USP24: variants seen among roughly 807,000 people sequenced by gnomAD.
The protein encoded by USP24 is ubiquitin specific peptidase 24, also known as ubiquitin carboxyl-terminal hydrolase 24.
In USP24, 97 loss-of-function variants were observed where a neutral mutation model predicts 361.6. That is an observed-to-expected ratio of 0.27 (90% CI 0.23 to 0.32). The LOEUF is 0.32. Ranked by LOEUF, USP24 falls within the 10% of genes least tolerant of loss-of-function variation. The pLI is 1.00. For synonymous variants in USP24, 1,098 were observed against 1,124.6 expected (o/e 0.98, Z 0.47); for missense variants, 2,353 against 3,165.6 (o/e 0.74, Z 6.16).
chr1:55,154,560 A>C, intron 13 of USP24, 94 bp from the exon 14 acceptor site: 3 of 1,474,430 alleles, frequency 2.0e-6, no homozygotes, highest in Middle Eastern at 1.7e-4. Flanking sequence ...TAACAACGTA[A>C]GAAAAGTACA....
chr1:55,213,743 CT>C (rs987174931), intron 1 of USP24, among the ~76,000 whole-genome samples: 1 of 152,106 alleles, frequency 6.6e-6, no homozygotes, highest in Admixed American at 6.5e-5. Flanking sequence ...TCTGGTCGAT[CT>C]TTTTTCTTTA....
At chr1:55,115,404 G>A (rs1570442811) in intron 38 of USP24, among the ~76,000 whole-genome samples, 1 of 142,280 alleles carries the variant, frequency 7.0e-6, no homozygotes, top group African/African-American at 2.5e-5. Flanking sequence ...GCTGAGGCAG[G>A]AGAATGGCAT....
At chr1:55,213,175 G>T (rs989122737) in intron 1 of USP24, among the ~76,000 whole-genome samples, 2 of 152,208 alleles carry the variant, frequency 1.3e-5, no homozygotes, top group Non-Finnish European at 2.9e-5. Context: ...TCAAAAACTA[G>T]AAGGAACGAG....
intron 28 of USP24, among the ~76,000 whole-genome samples, chr1:55,134,970 A>G (rs766803372): frequency 3.9e-5 from 6 of 152,184 alleles, no homozygotes; most frequent in Non-Finnish European, 8.8e-5. Context: ...GGAATAAGAA[A>G]TCGGACATCA....
At chr1:55,093,903 T>C (rs1645436679) in intron 52 of USP24, 34 bp downstream of exon 52, 6 of 1,612,168 alleles carry the variant, frequency 3.7e-6, no homozygotes, top group Middle Eastern at 1.6e-4. Flanking sequence ...TCCACGTGGA[T>C]ATTCCCCCTT....
chr1:55,096,590 T>C lies in USP24; in HGVS notation c.5969A>G (p.Asn1990Ser), dbSNP rs1176900681. The change falls in exon 50 of 68, where the codon AAT becomes AGT. Residue 1990 changes from asparagine to serine, a missense_variant. Coordinates refer to ENST00000294383, the MANE Select transcript of USP24 (RefSeq NM_015306.3). ...GCGKGKWYKF[N>S]DTVIEEFDLN... is the part of the protein sequence containing the mutation. ...GTCAAATTCTTCTATAACTGTGTCA[T>C]TAAATTTATACCACTTTCCTTTTCC... 5 of 1,612,966 alleles carry C rather than the reference T, an allele frequency of 3.1e-6. No homozygotes were observed. The South Asian group carries it at 4.4e-5, about 14-fold the overall frequency.
At chr1:55,147,992 A>C (rs17111676) in intron 17 of USP24, among the ~76,000 whole-genome samples, 194 bp from the exon 18 acceptor site, 4,425 of 152,232 alleles carry the variant, frequency 0.029, 154 homozygotes, top group African/African-American at 0.082. Context: ...TTAATAAACT[A>C]CTAATGTTTT....
chr1:55,078,743 T>A (rs1455354522), intron 60 of USP24, 92 bp from the exon 61 acceptor site: 1 of 944,052 alleles, frequency 1.1e-6, no homozygotes, highest in African/African-American at 1.7e-5. Flanking sequence ...CTACCCAGAT[T>A]TTAAGATAAT....
At chr1:55,171,001 T>C (rs548475506) in intron 5 of USP24, among the ~76,000 whole-genome samples, 1 of 152,300 alleles carries the variant, frequency 6.6e-6, no homozygotes, top group East Asian at 1.9e-4. Context: ...TTGATTAAAC[T>C]CAACTTCTTT....
At position 55,134,308 on chromosome 1, in the gene USP24, T is replaced by C; in HGVS notation, c.3287+20A>G. 1.2e-6 allele frequency: 2 copies of C among 1,606,778 alleles called. No individual in the cohort carries two copies. Among genetic ancestry groups the C allele is most frequent in the Non-Finnish European group, 1.7e-6 (2 of 1,175,348 alleles). The stretch of plus-strand genomic sequence containing the variant: ...TTAGTAACTTTCTCTCTGCCAAGCC[T>C]CACAAATATTTATATTTACCTTGGC... On this transcript the variant is annotated intron_variant, in intron 29 of 67. Transcript: ENST00000294383.
At chr1:55,187,331 G>A in intron 1 of USP24, among the ~76,000 whole-genome samples, 1 of 152,154 alleles carries the variant, frequency 6.6e-6, no homozygotes, top group East Asian at 1.9e-4. Context: ...AACACCTACA[G>A]TGAACATCAT....
chr1:55,180,256 T>C (rs1250210305), intron 1 of USP24, among the ~76,000 whole-genome samples: 1 of 152,146 alleles, frequency 6.6e-6, no homozygotes, highest in African/African-American at 2.4e-5. Flanking sequence ...GTGAATAGAA[T>C]ACAGCAGAAA....
At chr1:55,123,425 C>T in intron 36 of USP24, 22 bp downstream of exon 36, 1 of 1,540,114 alleles carries the variant, frequency 6.5e-7, no homozygotes, top group Non-Finnish European at 8.8e-7. Context: ...AGAGATTAAT[C>T]ACAAACAAGC....
At chr1:55,093,716 G>A in intron 52 of USP24, 4 of 467,748 alleles carry the variant, frequency 8.6e-6, no homozygotes, top group Non-Finnish European at 1.1e-5. Context: ...GATTGTGCCT[G>A]CCAATCATGA....
At chr1:55,210,999 T>C (rs1644833983) in intron 1 of USP24, among the ~76,000 whole-genome samples, 1 of 152,236 alleles carries the variant, frequency 6.6e-6, no homozygotes, top group Non-Finnish European at 1.5e-5. Context: ...TGTTTGATGG[T>C]ATTCCTTATG....
intron 58 of USP24, 84 bp from the exon 59 acceptor site, chr1:55,081,508 A>G: frequency 7.7e-7 from 1 of 1,295,228 alleles, no homozygotes; most frequent in South Asian, 1.2e-5. Flanking sequence ...GCTGGTTCAT[A>G]ATATTCTGGG....
At chr1:55,113,634 G>T (rs1011738451) in intron 38 of USP24, among the ~76,000 whole-genome samples, 1 of 152,114 alleles carries the variant, frequency 6.6e-6, no homozygotes, top group Non-Finnish European at 1.5e-5. Flanking sequence ...AATCCTCAAC[G>T]AAATATTGGC....
intron 6 of USP24, 151 bp downstream of exon 6, chr1:55,166,417 C>G (rs1292580373): frequency 5.1e-6 from 4 of 777,282 alleles, no homozygotes; most frequent in Non-Finnish European, 8.3e-6. Context: ...ATTGTACATA[C>G]AAAAAAAGGA....
chr1:55,157,231 A>C (rs1180890902), intron 11 of USP24, 25 bp downstream of exon 11: 2 of 1,513,876 alleles, frequency 1.3e-6, no homozygotes, highest in Non-Finnish European at 1.8e-6. Context: ...GTGTTAGGTA[A>C]TTTTTATTTT....
Sources: gnomAD v4.1 joint callset for allele counts (sites outside exome capture counted in the v4.1 genomes callset) on GRCh38, gnomAD v4.1.1 for gene constraint, MANE v1.5 for transcripts, NCBI Gene and HGNC (gene_info 2026-07-23, HGNC 2026-07-21) for gene names.